Variants in FMN1 observed in about 807,000 individuals in gnomAD.
FMN1 encodes the protein formin 1.
Under a neutral mutation model 132.4 loss-of-function variants are expected in FMN1, and 110 were observed. That is an observed-to-expected ratio of 0.83 (90% CI 0.71 to 0.97). The LOEUF is 0.97. FMN1 is among the 50% of genes least tolerant of loss of function. The pLI is 0.00. For synonymous variants in FMN1, 722 were observed against 651.7 expected (o/e 1.11, Z -1.64); for missense variants, 1,792 against 1,705.3 (o/e 1.05, Z -0.90).
chr15:33,033,146 T>A (rs2036020514), intron 6 of FMN1, among the ~76,000 whole-genome samples: 1 of 152,118 alleles, frequency 6.6e-6, no homozygotes. Flanking sequence ...TTCTCCTGCC[T>A]CAGCCTCCCG....
At chr15:32,879,592 C>T (rs765891717) in intron 16 of FMN1, among the ~76,000 whole-genome samples, 24 of 152,208 alleles carry the variant, frequency 1.6e-4, no homozygotes, top group African/African-American at 4.8e-4. Flanking sequence ...TGAGGTACTT[C>T]CTCAGGCATC....
At chr15:32,822,223 C>T (rs1366453273) in intron 17 of FMN1, among the ~76,000 whole-genome samples, 1 of 152,102 alleles carries the variant, frequency 6.6e-6, no homozygotes, top group Non-Finnish European at 1.5e-5. Flanking sequence ...GTGGCATGCA[C>T]CTGTAATTGC....
chr15:32,868,453 G>C (rs755085582), intron 16 of FMN1, among the ~76,000 whole-genome samples: 5 of 152,130 alleles, frequency 3.3e-5, no homozygotes, highest in Non-Finnish European at 7.3e-5. Context: ...TAGGTGTGAA[G>C]TAGGCTACAC....
rs561710484 is a variant in FMN1, at chr15:33,103,215, C to T, written c.1868-14241G>A. On this transcript the variant is annotated intron_variant, in intron 4 of 20. Transcript: ENST00000616417. The stretch of plus-strand genomic sequence containing the variant: ...TTTTATCAGTCCTAATGAACACTTA[C>T]TATTGAGCTTAGCATAGACTCTGTA... Among the ~76,000 whole-genome samples the T allele has an allele frequency of 3.4e-4, 52 of 152,174 alleles. 1 individual carries two copies. The highest frequency in any genetic ancestry group is 1.2e-3 in the African/African-American group (50 of 41,536).
intron 4 of FMN1, among the ~76,000 whole-genome samples, chr15:33,104,834 A>C (rs968055631): frequency 9.2e-5 from 14 of 152,158 alleles, no homozygotes; most frequent in African/African-American, 3.4e-4. Flanking sequence ...GCTTTGCAGA[A>C]ATTAAAATAT....
At chr15:32,816,255 G>T (rs1041165859) in intron 17 of FMN1, among the ~76,000 whole-genome samples, 1 of 151,924 alleles carries the variant, frequency 6.6e-6, no homozygotes, top group Admixed American at 6.6e-5. Context: ...ACCACAAAAC[G>T]TGCTTGCAAA....
chr15:33,073,590 A>G (rs1282144571), intron 5 of FMN1, among the ~76,000 whole-genome samples: 1 of 152,214 alleles, frequency 6.6e-6, no homozygotes, highest in East Asian at 1.9e-4. Context: ...TGAGGAAATT[A>G]TAACATCATA....
In FMN1 at chr15:33,064,867, A is replaced by G. The variant is rs1301577257; in HGVS notation, c.2161+90T>C. On this transcript the variant is annotated intron_variant, in intron 6 of 20. Transcript: ENST00000616417. The stretch of plus-strand genomic sequence containing the variant: ...GCATTACATTTTATAATGAAATAAA[A>G]CCCCAAATTCTGAGAGTCAACTAAG... The G allele has an allele frequency of 9.2e-6, 8 of 873,976 alleles. No homozygotes were observed. The South Asian group carries it at 1.4e-4, about 15-fold the overall frequency. The allele number at this position is 873,976 out of a possible 1,614,324, so 54.1% of individuals were successfully genotyped here.
intron 6 of FMN1, among the ~76,000 whole-genome samples, chr15:33,025,664 T>G (rs1313115191): frequency 6.6e-6 from 1 of 152,174 alleles, no homozygotes; most frequent in Admixed American, 6.6e-5. Flanking sequence ...AACTATATAT[T>G]ATCTGAAAAT....
At chr15:32,979,147 T>C (rs2032440687) in intron 7 of FMN1, among the ~76,000 whole-genome samples, 1 of 152,144 alleles carries the variant, frequency 6.6e-6, no homozygotes, top group Admixed American at 6.6e-5. Flanking sequence ...AGTGGTGCTG[T>C]ATAAACCTGG....
chr15:32,850,718 T>C (rs1202571803), intron 17 of FMN1, among the ~76,000 whole-genome samples: 1 of 152,248 alleles, frequency 6.6e-6, no homozygotes, highest in Non-Finnish European at 1.5e-5. Flanking sequence ...CATCTATTTA[T>C]ATAATTCCTT....
rs111350091 is a variant in FMN1 at position 33,080,528 on chromosome 15, G to A, written c.2043+8271C>T. Among the ~76,000 whole-genome samples the A allele has an allele frequency of 4.7e-3, 712 of 152,282 alleles. 2 individuals are homozygous for A. The highest frequency in any genetic ancestry group is 0.016 in the African/African-American group (684 of 41,552). ...AGAACTTTGTGAGGCCAAGGCGGAC[G>A]GATCACCTGACGTCAGGAGTTCAAG... On this transcript the variant is annotated intron_variant, in intron 5 of 20. Coordinates refer to ENST00000616417, the MANE Select transcript of FMN1 (RefSeq NM_001277313.2).
intron 10 of FMN1, among the ~76,000 whole-genome samples, chr15:32,923,268 A>G (rs976383231): frequency 2.6e-5 from 4 of 152,206 alleles, no homozygotes; most frequent in African/African-American, 9.7e-5. Context: ...TTTTAGGCCA[A>G]CATCAGCACA....
intron 7 of FMN1, among the ~76,000 whole-genome samples, chr15:32,993,606 TCCTC>T (rs2033576989): frequency 1.3e-5 from 2 of 152,168 alleles, no homozygotes; most frequent in South Asian, 4.1e-4. Context: ...AGCACCTTCT[TCCTC>T]CCTATTAATT....
Position 32,988,831 on chromosome 15 carries a change from A to G in FMN1, c.2223+19183T>C, listed in dbSNP as rs1201191375. 3.3e-5 allele frequency among the ~76,000 whole-genome samples: 5 copies of G among 152,240 alleles called. No individual in the cohort carries two copies. In the East Asian group the frequency reaches 9.7e-4, roughly 29 times the overall value. On this transcript the variant is annotated intron_variant, in intron 7 of 20. Coordinates refer to ENST00000616417, the MANE Select transcript of FMN1 (RefSeq NM_001277313.2). ...TCTAAGACCAACTCTTTTACCCTTT[A>G]GCTCCCCATCTATAAAATGAACAGG... is the stretch of plus-strand genomic sequence containing the variant.
chr15:32,912,909 T>C (rs2060598793), intron 10 of FMN1, among the ~76,000 whole-genome samples: 2 of 152,222 alleles, frequency 1.3e-5, no homozygotes, highest in African/African-American at 2.4e-5. Flanking sequence ...ACGTAGAACA[T>C]GGTATAAGCC....
At chr15:33,171,254 T>G (rs1965311516) in intron 3 of FMN1, among the ~76,000 whole-genome samples, 1 of 152,150 alleles carries the variant, frequency 6.6e-6, no homozygotes. Flanking sequence ...GGTAGGTTAA[T>G]GGGTACAAAC....
intron 17 of FMN1, among the ~76,000 whole-genome samples, chr15:32,848,936 T>C (rs2058926654): frequency 6.7e-6 from 1 of 150,328 alleles, no homozygotes; most frequent in Non-Finnish European, 1.5e-5. Flanking sequence ...GGTGTTATGG[T>C]GAGGACCAGC....
chr15:32,931,630 A>AG (rs1305704600), intron 9 of FMN1, among the ~76,000 whole-genome samples: 1 of 152,186 alleles, frequency 6.6e-6, no homozygotes, highest in African/African-American at 2.4e-5. Flanking sequence ...TCTACATATA[A>AG]GATCATATCT....
Sources: allele counts gnomAD v4.1 joint callset (sites outside exome capture counted in the v4.1 genomes callset), GRCh38; gene constraint gnomAD v4.1.1; transcripts MANE v1.5; gene names NCBI Gene and HGNC (gene_info 2026-07-23, HGNC 2026-07-21).